The following C2orf76 variants were observed in gnomAD, a reference collection of about 807,000 sequenced individuals.
The protein encoded by C2orf76 is chromosome 2 open reading frame 76, also known as UPF0538 protein C2orf76.
C2orf76 carries 23 observed loss-of-function variants against 16.9 expected under a neutral mutation model. The observed-to-expected ratio is 1.36, with a 90% CI of 0.98 to 1.93. The LOEUF is 1.93. C2orf76 is among the 30% of genes most tolerant of loss of function. C2orf76 has a pLI of 0.00. For missense variants in C2orf76, 152 were observed against 152.6 expected, an observed-to-expected ratio of 1.00 and a Z score of 0.02; for synonymous variants, 48 against 52.3, an observed-to-expected ratio of 0.92 and a Z score of 0.35.
intron 1 of C2orf76, among the ~76,000 whole-genome samples, chr2:119,365,297 T>C (rs1398958376): frequency 2.6e-5 from 4 of 152,128 alleles, no homozygotes; most frequent in Non-Finnish European, 5.9e-5. Flanking sequence ...CAAAAACAAA[T>C]CCAGGCCTCA....
intron 1 of C2orf76, among the ~76,000 whole-genome samples, chr2:119,360,837 A>G (rs1680722102): frequency 1.3e-5 from 2 of 152,278 alleles, no homozygotes; most frequent in African/African-American, 4.8e-5. Context: ...AACAAGCTAG[A>G]TGAATCACCA....
At chr2:119,350,093 CGTAA>C (rs1313749712) in intron 1 of C2orf76, among the ~76,000 whole-genome samples, 3 of 145,018 alleles carry the variant, frequency 2.1e-5, no homozygotes, top group Admixed American at 6.9e-5. Flanking sequence ...CACCGTCCCG[CGTAA>C]GTGTTTGTAG....
At position 119,366,820 on chromosome 2, in the gene C2orf76, G is replaced by T; in HGVS notation, c.-43C>A. On this transcript the variant is annotated 5_prime_UTR_variant, in exon 1 of 6. Coordinates refer to ENST00000334816, the MANE Select transcript of C2orf76 (RefSeq NM_001322331.2). Reference sequence around the variant, plus strand: ...CCCGGCGTCCCCTTCGGCTACTCCCGGCGTTTGCGCAAGCGGTCCCACGTG... The same window carrying T: ...CCCGGCGTCCCCTTCGGCTACTCCCTGCGTTTGCGCAAGCGGTCCCACGTG... 1 of 590,202 alleles carries T rather than the reference G, an allele frequency of 1.7e-6. No individual in the cohort carries two copies. The highest frequency in any genetic ancestry group is 1.9e-5 in the African/African-American group (1 of 52,458). The allele number at this position is 590,202 out of a possible 1,614,324, so 36.6% of individuals were successfully genotyped here. A position where few individuals can be genotyped will look rare whatever the true frequency, so the allele number is the denominator to read the frequency against.
chr2:119,343,270 A>C (rs375742461), intron 1 of C2orf76, among the ~76,000 whole-genome samples: 6 of 152,328 alleles, frequency 3.9e-5, no homozygotes, highest in African/African-American at 1.4e-4. Flanking sequence ...ATAGCAGTTC[A>C]GCAAATACCT....
At chr2:119,324,015 G>T (rs983823373) in intron 2 of C2orf76, among the ~76,000 whole-genome samples, 1 of 152,152 alleles carries the variant, frequency 6.6e-6, no homozygotes, top group Admixed American at 6.5e-5. Flanking sequence ...TATTCTTCTT[G>T]TGTCTCCATT....
the C2orf76 span, among the ~76,000 whole-genome samples, chr2:119,283,984 C>T: frequency 6.6e-6 from 1 of 152,212 alleles, no homozygotes; most frequent in Non-Finnish European, 1.5e-5. Context: ...TCCGGGAGCA[C>T]AGCCAAGGCG....
At chr2:119,297,006 A>C in the C2orf76 span, among the ~76,000 whole-genome samples, 1 of 152,224 alleles carries the variant, frequency 6.6e-6, no homozygotes, top group African/African-American at 2.4e-5. Flanking sequence ...CAAGTGGCTT[A>C]ATCTCTGAGG....
downstream of C2orf76, among the ~76,000 whole-genome samples, chr2:119,300,286 C>T (rs1678596965): frequency 6.6e-6 from 1 of 152,220 alleles, no homozygotes; most frequent in African/African-American, 2.4e-5. Flanking sequence ...CTCCCCAATC[C>T]TCCTCTTCCC....
intron 1 of C2orf76, among the ~76,000 whole-genome samples, chr2:119,347,683 GC>G (rs1573674617): frequency 6.6e-6 from 1 of 152,036 alleles, no homozygotes; most frequent in African/African-American, 2.4e-5. Flanking sequence ...ACCAGCCTGG[GC>G]AACATATCGA....
intron 2 of C2orf76, among the ~76,000 whole-genome samples, chr2:119,322,134 A>C (rs911443588): frequency 2.0e-5 from 3 of 152,180 alleles, no homozygotes; most frequent in East Asian, 3.9e-4. Context: ...ATATATATAT[A>C]TCTCAAAATT....
upstream of C2orf76, chr2:119,366,990 C>G: frequency 1.9e-6 from 3 of 1,608,036 alleles, no homozygotes; most frequent in East Asian, 6.7e-5. Context: ...GCAATCTGGG[C>G]GATCGCTTCC....
chr2:119,366,952 G>C (rs1681036499), upstream of C2orf76: 24 of 1,493,816 alleles, frequency 1.6e-5, no homozygotes, highest in Non-Finnish European at 2.1e-5. Context: ...GGGGCGAGTG[G>C]ACCGCGCCTC....
chr2:119,281,299 G>A, the C2orf76 span, among the ~76,000 whole-genome samples: 2 of 152,042 alleles, frequency 1.3e-5, no homozygotes, highest in African/African-American at 4.8e-5. Flanking sequence ...AGTAGGCCTC[G>A]GTGTCTGCTG....
At chr2:119,325,457 CAAAAAAAAAAA>C (rs59581840) in intron 2 of C2orf76, among the ~76,000 whole-genome samples, 1 of 59,784 alleles carries the variant, frequency 1.7e-5, no homozygotes. Flanking sequence ...AAGACTGTCT[CAAAAAAAAAAA>C]AAAAAAAAAA....
At chr2:119,361,790 T>A (rs1417446448) in intron 1 of C2orf76, among the ~76,000 whole-genome samples, 2 of 152,172 alleles carry the variant, frequency 1.3e-5, no homozygotes, top group African/African-American at 2.4e-5. Context: ...AAGGAGGGAC[T>A]ACTATATTTT....
chr2:119,325,287 C>T (rs929678717), intron 2 of C2orf76, among the ~76,000 whole-genome samples: 1 of 151,880 alleles, frequency 6.6e-6, no homozygotes, highest in African/African-American at 2.4e-5. Flanking sequence ...TAGTGAAACC[C>T]CATCTCTACT....
chr2:119,328,690 T>C (rs1034118299), intron 2 of C2orf76, among the ~76,000 whole-genome samples: 1 of 152,194 alleles, frequency 6.6e-6, no homozygotes, highest in Non-Finnish European at 1.5e-5. Flanking sequence ...ACTGAAATCA[T>C]TGATTTGAAA....
intron 2 of C2orf76, among the ~76,000 whole-genome samples, chr2:119,323,858 A>G (rs1208646930): frequency 6.6e-6 from 1 of 152,180 alleles, no homozygotes; most frequent in African/African-American, 2.4e-5. Context: ...TTAAATGGCA[A>G]TGCTACAAGT....
chr2:119,349,158 T>C (rs915334786), intron 1 of C2orf76, among the ~76,000 whole-genome samples: 1 of 152,246 alleles, frequency 6.6e-6, no homozygotes, highest in Non-Finnish European at 1.5e-5. Flanking sequence ...AAGAGACTGT[T>C]ACTTGTTTTA....
Sources: gnomAD v4.1 joint callset for allele counts (sites outside exome capture counted in the v4.1 genomes callset) on GRCh38, gnomAD v4.1.1 for gene constraint, MANE v1.5 for transcripts, NCBI Gene and HGNC (gene_info 2026-07-23, HGNC 2026-07-21) for gene names.